Variants in WDR76 observed in about 807,000 individuals in gnomAD.
WDR76 encodes WD repeat domain 76, also known as WD repeat-containing protein 76.
Under a neutral mutation model 70.2 loss-of-function variants are expected in WDR76, and 52 were observed. That is an observed-to-expected ratio of 0.74 (90% CI 0.59 to 0.93). The LOEUF (loss-of-function observed/expected upper bound fraction) is 0.93. WDR76 is among the 40% of genes least tolerant of loss of function. WDR76 has a pLI of 0.00. For synonymous variants in WDR76, 292 were observed against 271.1 expected, an observed-to-expected ratio of 1.08 and a Z score of -0.76; for missense variants, 756 against 760.2, an observed-to-expected ratio of 0.99 and a Z score of 0.07.
intron 12 of WDR76, among the ~76,000 whole-genome samples, chr15:43,865,166 G>A (rs1276252331): frequency 2.0e-5 from 3 of 146,906 alleles, no homozygotes; most frequent in Non-Finnish European, 4.4e-5. Flanking sequence ...TGCAATCTCG[G>A]CTCACTGTAG....
At chr15:43,827,667 CCT>C (rs1400858929) in intron 1 of WDR76, among the ~76,000 whole-genome samples, 1 of 152,170 alleles carries the variant, frequency 6.6e-6, no homozygotes, top group Non-Finnish European at 1.5e-5. Flanking sequence ...GCCTCAGCCT[CCT>C]GAGTAGCTGG....
intron 2 of WDR76, among the ~76,000 whole-genome samples, chr15:43,833,320 C>CTTTTTTTTTTTTT (rs572785012): frequency 7.5e-6 from 1 of 134,208 alleles, no homozygotes; most frequent in African/African-American, 2.7e-5. Context: ...CTTTTCTTTT[C>CTTTTTTTTTTTTT]TTTTTTTTTT....
chr15:43,862,803 C>T (rs2088019064), intron 12 of WDR76, among the ~76,000 whole-genome samples: 1 of 152,178 alleles, frequency 6.6e-6, no homozygotes, highest in Non-Finnish European at 1.5e-5. Context: ...CCACCACACC[C>T]AGCCTAATTT....
chr15:43,856,044 T>A (rs909465922), intron 9 of WDR76, among the ~76,000 whole-genome samples: 6 of 152,230 alleles, frequency 3.9e-5, no homozygotes, highest in Admixed American at 1.3e-4. Flanking sequence ...AATGGCTTCA[T>A]ACTAATATAC....
intron 2 of WDR76, among the ~76,000 whole-genome samples, chr15:43,830,063 G>A (rs914745953): frequency 2.7e-5 from 4 of 150,436 alleles, no homozygotes; most frequent in African/African-American, 9.8e-5. Context: ...GTGGAGGTTG[G>A]GAGGTGTTGC....
At chr15:43,865,534 G>A (rs2088060200) in intron 12 of WDR76, among the ~76,000 whole-genome samples, 1 of 152,082 alleles carries the variant, frequency 6.6e-6, no homozygotes, top group African/African-American at 2.4e-5. Flanking sequence ...GCCTCCCAAA[G>A]TGCTGGGATT....
Position 43,828,378 on chromosome 15 carries a change from A to G in WDR76, c.462+12A>G. 2.5e-6 allele frequency: 4 copies of G among 1,573,556 alleles called. No individual in the cohort carries two copies. The highest frequency in any genetic ancestry group is 2.4e-5 in the South Asian group (2 of 85,010). ...CCACACCATCCCTGGTAAGAACTTA[A>G]TTAGTAGCTTGTTCTGGTTTCTCTT... is the stretch of plus-strand genomic sequence containing the variant. On this transcript the variant is annotated intron_variant, in intron 2 of 12. Coordinates refer to ENST00000263795, the MANE Select transcript of WDR76 (RefSeq NM_024908.4).
intron 12 of WDR76, among the ~76,000 whole-genome samples, chr15:43,864,600 CTTT>C (rs929231455): frequency 6.9e-6 from 1 of 145,278 alleles, no homozygotes. Context: ...TATTTGTTTT[CTTT>C]TTTTTTTTTA....
chr15:43,846,645 G>GT lies in WDR76; in HGVS notation c.1032+2600dup, dbSNP rs67188989. On this transcript the variant is annotated intron_variant, in intron 8 of 12. Coordinates refer to ENST00000263795, the MANE Select transcript of WDR76 (RefSeq NM_024908.4). ...TGAAAATTAGCATGATTAAATGAAG[G>GT]TTTTTTTTTGGATGAGTTGATCTGT... is the stretch of plus-strand genomic sequence containing the variant. 3.5e-3 allele frequency among the ~76,000 whole-genome samples: 465 copies of GT among 133,256 alleles called. 10 individuals carry two copies. The East Asian group carries it at 0.055, about 16-fold the overall frequency. 87.4% of individuals were successfully genotyped at this position (133,256 alleles called of 152,430 possible).
rs149640403 is a variant in WDR76, at chr15:43,856,966, T to G, written c.1212T>G (p.Ser404Arg). 4.6e-5 allele frequency: 75 copies of G among 1,613,820 alleles called. No homozygotes were observed. The African/African-American group carries it at 9.2e-4, about 20-fold the overall frequency. ...CTTAGGTGTATAGAAATGAAAGAAG[T>G]AGCTTTTCCTCCTTCGACTTCTTGG... The part of the protein sequence containing the change: ...IFEEVYRNER[S>R]SFSSFDFLAE... Residue 404 changes from serine (S) to arginine (R), a missense_variant, in exon 10 of 13, where the codon AGT becomes AGG. Coordinates refer to ENST00000263795, the MANE Select transcript of WDR76 (RefSeq NM_024908.4).
chr15:43,837,704 AG>A (rs2087674393), intron 4 of WDR76, among the ~76,000 whole-genome samples: 1 of 152,158 alleles, frequency 6.6e-6, no homozygotes. Context: ...ACATATAAAA[AG>A]GTACATATAA....
intron 2 of WDR76, among the ~76,000 whole-genome samples, 189 bp from the exon 3 acceptor site, chr15:43,834,872 G>T (rs1337805379): frequency 6.6e-6 from 1 of 152,082 alleles, no homozygotes; most frequent in African/African-American, 2.4e-5. Context: ...TATTTTGGGG[G>T]TATCCCAAAT....
Position 43,857,125 on chromosome 15 carries a change from C to T in WDR76, c.1371C>T (p.His457=), listed in dbSNP as rs1486136713. ...GAAAAATAAGAACTGTTCATGTCCA[C>T]CCAGTGCATAGACAGTATTTTATCA... ...SMGKIRTVHV[H]PVHRQYFITA... is the part of the protein sequence containing the mutation. Residue 457 remains histidine (H), a synonymous_variant, in exon 10 of 13, where the codon CAC becomes CAT. Transcript: ENST00000263795. 6 of 1,614,030 alleles carry T rather than the reference C, an allele frequency of 3.7e-6. No homozygotes were observed. The highest frequency in any genetic ancestry group is 1.1e-5 in the South Asian group (1 of 91,062).
At chr15:43,832,943 C>T (rs994303741) in intron 2 of WDR76, among the ~76,000 whole-genome samples, 5 of 151,052 alleles carry the variant, frequency 3.3e-5, no homozygotes, top group Non-Finnish European at 5.9e-5. Context: ...TTAGTAGAGA[C>T]GGGGTTTCGA....
At chr15:43,844,075 A>G in intron 8 of WDR76, 21 bp downstream of exon 8, 2 of 1,610,190 alleles carry the variant, frequency 1.2e-6, no homozygotes, top group Non-Finnish European at 1.7e-6. Flanking sequence ...AAATTTCTTG[A>G]ATATATTATA....
At position 43,828,296 on chromosome 15, in the gene WDR76, C is replaced by A. The variant is rs373892287; in HGVS notation, c.392C>A (p.Ala131Glu). 6 of 1,613,982 alleles carry A rather than the reference C, an allele frequency of 3.7e-6. No individual in the cohort carries two copies. In the African/African-American group the frequency reaches 8.0e-5, roughly 22 times the overall value. Reference protein sequence around the residue: ...NKLQPKRTADAMNLSVDVESS... With the variant: ...NKLQPKRTADEMNLSVDVESS... ...CTACAACCCAAGAGAACGGCAGATG[C>A]GATGAATCTCAGTGTTGATGTGGAA... Residue 131 changes from alanine (A) to glutamate (E), a missense_variant, in exon 2 of 13, where the codon GCG becomes GAG. By Grantham distance (107) the Ala-to-Glu change is moderately radical. Coordinates refer to ENST00000263795, the MANE Select transcript of WDR76 (RefSeq NM_024908.4).
chr15:43,853,487 G>A (rs1207059691), intron 9 of WDR76, among the ~76,000 whole-genome samples: 1 of 152,144 alleles, frequency 6.6e-6, no homozygotes, highest in Admixed American at 6.5e-5. Flanking sequence ...CACCGCGCCT[G>A]GCTGTAACTT....
chr15:43,837,327 A>G (rs980437688), intron 4 of WDR76, among the ~76,000 whole-genome samples: 5 of 152,228 alleles, frequency 3.3e-5, no homozygotes, highest in Admixed American at 1.3e-4. Context: ...GGTATTTTCA[A>G]GTGTGAAAAG....
intron 9 of WDR76, among the ~76,000 whole-genome samples, chr15:43,853,006 A>G (rs1367774397): frequency 6.6e-6 from 1 of 152,100 alleles, no homozygotes; most frequent in African/African-American, 2.4e-5. Context: ...CTCCTGCCTC[A>G]TCCTCCTGAG....
Sources: gnomAD v4.1 joint callset for allele counts (sites outside exome capture counted in the v4.1 genomes callset) on GRCh38, gnomAD v4.1.1 for gene constraint, MANE v1.5 for transcripts, NCBI Gene and HGNC (gene_info 2026-07-23, HGNC 2026-07-21) for gene names.